MNX1: variants seen among roughly 807,000 people sequenced by gnomAD.
The protein encoded by MNX1 is motor neuron and pancreas homeobox protein 1.
A neutral mutation model predicts 17.3 loss-of-function variants in MNX1; 2 were observed. The ratio of observed to expected loss-of-function variants is 0.12; its 90% CI spans 0.05 to 0.36. MNX1 has a LOEUF of 0.36. Ranked by LOEUF, MNX1 falls within the 10% of genes least tolerant of loss-of-function variation. The pLI, the probability that MNX1 is intolerant of heterozygous loss-of-function variation, is 1.00. For missense variants in MNX1, 556 were observed against 564.7 expected, an observed-to-expected ratio of 0.98 and a Z score of 0.16; for synonymous variants, 306 against 283.1, an observed-to-expected ratio of 1.08 and a Z score of -0.81.
intron 1 of MNX1, 189 bp downstream of exon 1, chr7:157,009,471 A>G: frequency 7.0e-7 from 1 of 1,434,462 alleles, no homozygotes; most frequent in Non-Finnish European, 9.1e-7. Flanking sequence ...GGCCATTTTA[A>G]TAATTCGCTG....
In MNX1 at chr7:157,010,583, T is replaced by G; in HGVS notation, c.-233A>C. 10 of 308,982 alleles carry G rather than the reference T, an allele frequency of 3.2e-5. No individual in the cohort carries two copies. Among genetic ancestry groups the G allele is most frequent in the African/African-American group, 4.3e-5 (2 of 46,402 alleles). The allele number at this position is 308,982 out of a possible 1,614,324, so 19.1% of individuals were successfully genotyped here. A position where few individuals can be genotyped will look rare whatever the true frequency, so the allele number is the denominator to read the frequency against. ...CTCGCACAAACTCCCACGCGAGTGC[T>G]TCCCCGCGTCCGGGCCCGGGAGCCC... On this transcript the variant is annotated 5_prime_UTR_variant, in exon 1 of 3. Coordinates refer to ENST00000252971, the MANE Select transcript of MNX1 (RefSeq NM_005515.4).
At chr7:157,008,297 T>G (rs541499857) in intron 1 of MNX1, 12 of 152,412 alleles carry the variant, frequency 7.9e-5, no homozygotes, top group Admixed American at 3.9e-4. Context: ...GGTGGCTTTC[T>G]ATCAGAAGGG....
In MNX1 at chr7:157,010,127, G is replaced by C; in HGVS notation, c.224C>G (p.Ala75Gly). ...PPAAPADRLR[A>G]ESPSPPRLLA... Reference sequence around the variant, plus strand: ...CAGGCGCGGCGGCGACGGGCTCTCGGCGCGCAGGCGGTCGGCGGGCGCAGC... The same window carrying C: ...CAGGCGCGGCGGCGACGGGCTCTCGCCGCGCAGGCGGTCGGCGGGCGCAGC... The change falls in exon 1 of 3, where the codon GCC (alanine) becomes GGC (glycine). Residue 75 changes from alanine (A) to glycine (G), a missense_variant. Coordinates refer to ENST00000252971, the MANE Select transcript of MNX1 (RefSeq NM_005515.4). 2.0e-6 allele frequency: 2 copies of C among 1,013,554 alleles called. No individual in the cohort carries two copies. Among genetic ancestry groups the C allele is most frequent in the South Asian group, 9.0e-5 (2 of 22,236 alleles). The allele number at this position is 1,013,554 out of a possible 1,614,324, so 62.8% of individuals were successfully genotyped here.
rs751493996 is a variant in MNX1, at chr7:157,005,746, T to A, written c.980A>T (p.Glu327Val). Reference protein sequence around the residue: ...GGGAGKGGAEEPGAEELLGPP... With the variant: ...GGGAGKGGAEVPGAEELLGPP... ...CCCCAGCAGCTCCTCGGCTCCCGGC[T>A]CCTCCGCGCCGCCCTTCCCCGCGCC... Residue 327 changes from glutamate (E) to valine (V), a missense_variant, in exon 3 of 3, where the codon GAG becomes GTG. Glu to Val is a moderately radical substitution (Grantham distance 121). Coordinates refer to ENST00000252971, the MANE Select transcript of MNX1 (RefSeq NM_005515.4). 6.2e-7 allele frequency: 1 copy of A among 1,609,180 alleles called. No individual in the cohort carries two copies. Among genetic ancestry groups the A allele is most frequent in the South Asian group, 1.1e-5 (1 of 91,002 alleles).
chr7:157,005,478 G>T lies in MNX1; in HGVS notation c.*42C>A. 1 of 1,241,202 alleles carries T rather than the reference G, an allele frequency of 8.1e-7. No homozygotes were observed. Among genetic ancestry groups the T allele is most frequent in the Non-Finnish European group, 1.0e-6 (1 of 994,018 alleles). The allele number at this position is 1,241,202 out of a possible 1,614,324, so 76.9% of individuals were successfully genotyped here. ...GGGCCTCCGGGAGAAGCCGCCGGCC[G>T]GGGCGCTCCGTGCGCGCCGCACCTG... On this transcript the variant is annotated 3_prime_UTR_variant, in exon 3 of 3. Coordinates refer to ENST00000252971, the MANE Select transcript of MNX1 (RefSeq NM_005515.4).
intron 1 of MNX1, chr7:157,008,950 G>C (rs781204492): frequency 6.6e-7 from 1 of 1,525,296 alleles, no homozygotes; most frequent in African/African-American, 1.4e-5. Context: ...CTCTGGGGTG[G>C]GGAGAACAGG....
chr7:157,008,857 G>A, intron 1 of MNX1: 1 of 811,434 alleles, frequency 1.2e-6, no homozygotes, highest in Non-Finnish European at 1.9e-6. Context: ...GAGAGTCCGC[G>A]TGTGCCAGGA....
rs921295860 is a variant in MNX1 at position 157,006,190 on chromosome 7, G to A, written c.852+289C>T. On this transcript the variant is annotated intron_variant, in intron 2 of 2. Coordinates refer to ENST00000252971, the MANE Select transcript of MNX1 (RefSeq NM_005515.4). This position sits in a 1 kb window ranked among gnomAD's most constrained non-coding sequence, Gnocchi z 6.3. ...GGGTCAGGGCAGCTGGCTACGTCGC[G>A]GTAAATCTCAGGATGTTCCCTCCTC... 6 of 582,990 alleles carry A rather than the reference G, an allele frequency of 1.0e-5. No homozygotes were observed. The highest frequency in any genetic ancestry group is 1.8e-5 in the Non-Finnish European group (6 of 329,730). 36.1% of individuals were successfully genotyped at this position (582,990 alleles called of 1,614,324 possible). A position where few individuals can be genotyped will look rare whatever the true frequency, so the allele number is the denominator to read the frequency against.
Position 157,005,850 on chromosome 7 carries a change from C to G in MNX1, c.876G>C (p.Arg292=). ...ETQVKIWFQN[R]RMKWKRSKKA... Reference sequence around the variant, plus strand: ...TTTTGCTGCGTTTCCATTTCATCCGCCGGTTCTGGAACCAAATCTTCACCT... The same window carrying G: ...TTTTGCTGCGTTTCCATTTCATCCGGCGGTTCTGGAACCAAATCTTCACCT... Residue 292 remains arginine (R), a synonymous_variant, in exon 3 of 3, where the codon CGG becomes CGC. Transcript: ENST00000252971. 3 of 1,612,210 alleles carry G rather than the reference C, an allele frequency of 1.9e-6. No homozygotes were observed. Among genetic ancestry groups the G allele is most frequent in the Non-Finnish European group, 2.5e-6 (3 of 1,179,856 alleles).
chr7:157,008,037 G>C (rs1805636715), intron 1 of MNX1: 1 of 152,244 alleles, frequency 6.6e-6, no homozygotes, highest in African/African-American at 2.4e-5. Flanking sequence ...TGCCCTTTTG[G>C]ATTGCCAGGT....
chr7:157,009,314 GGCCT>G, intron 1 of MNX1: 1 of 1,414,798 alleles, frequency 7.1e-7, no homozygotes, highest in Non-Finnish European at 9.2e-7. Flanking sequence ...CCCATTCCCG[GGCCT>G]GCCTAATTCA....
Position 157,010,540 on chromosome 7 carries a change from G to T in MNX1, c.-190C>A. ...TGGTCCCGGCGCCTCCTCCGTGCGG[G>T]CCCCGCCCCGGGCCGCGCTCGCACA... On this transcript the variant is annotated 5_prime_UTR_variant, in exon 1 of 3. Coordinates refer to ENST00000252971, the MANE Select transcript of MNX1 (RefSeq NM_005515.4). 2.5e-6 allele frequency: 1 copy of T among 395,988 alleles called. No homozygotes were observed. 24.5% of individuals were successfully genotyped at this position (395,988 alleles called of 1,614,324 possible).
At position 157,005,881 on chromosome 7, in the gene MNX1, C is replaced by A. The variant is rs772639851; in HGVS notation, c.853-8G>T. On this transcript the variant is annotated splice_polypyrimidine_tract_variant and splice_region_variant and intron_variant, in intron 2 of 2. Coordinates refer to ENST00000252971, the MANE Select transcript of MNX1 (RefSeq NM_005515.4). ...CTGGAACCAAATCTTCACCTGCGGG[C>A]ACAAGCGGGCGTGAGAAACCGGCCA... The A allele has an allele frequency of 6.2e-6, 10 of 1,610,634 alleles. No individual in the cohort carries two copies. Among genetic ancestry groups the A allele is most frequent in the Non-Finnish European group, 8.5e-6 (10 of 1,179,780 alleles).
rs1805561142 is a variant in MNX1 at position 157,004,961 on chromosome 7, AT to A, written c.*558del. 6 of 211,762 alleles carry A rather than the reference AT, an allele frequency of 2.8e-5. No homozygotes were observed. The South Asian group carries it at 9.3e-4, about 33-fold the overall frequency. The allele number at this position is 211,762 out of a possible 1,614,324, so 13.1% of individuals were successfully genotyped here. A position where few individuals can be genotyped will look rare whatever the true frequency, so the allele number is the denominator to read the frequency against. Reference sequence around the variant, plus strand: ...GTTTCTTTTTATATATAAATACAATATACAAAAATAAAGACAGTACAGTTTT... The same window carrying A: ...GTTTCTTTTTATATATAAATACAATAACAAAAATAAAGACAGTACAGTTTT... On this transcript the variant is annotated 3_prime_UTR_variant, in exon 3 of 3. Transcript: ENST00000252971. This position sits in a 1 kb window ranked among gnomAD's most constrained non-coding sequence, Gnocchi z 6.2.
rs1805602966 is a variant in MNX1 at position 157,006,543 on chromosome 7, T to C, written c.788A>G (p.Asn263Ser). Residue 263 changes from asparagine to serine, a missense_variant, in exon 2 of 3, where the codon AAC (asparagine) becomes AGC (serine). Physicochemically the swap from Asn to Ser is conservative, Grantham distance 46 (BLOSUM62 1). This residue lies in a region of MNX1 where 210 missense variants were observed against 211.3 expected (regional missense o/e 0.99). Transcript: ENST00000252971. The surrounding 1 kb of genome is among the most constrained non-coding windows in gnomAD (Gnocchi z 6.3). ...LLELEHQFKLNKYLSRPKRFE... is the reference protein window; with the variant it reads ...LLELEHQFKLSKYLSRPKRFE... ...GCGCTTGGGCCGCGACAGGTACTTG[T>C]TGAGCTTGAACTGGTGCTCCAGCTC... 1.2e-6 allele frequency: 2 copies of C among 1,610,562 alleles called. No individual in the cohort carries two copies. Among genetic ancestry groups the C allele is most frequent in the Non-Finnish European group, 1.7e-6 (2 of 1,179,154 alleles).
At chr7:157,008,393 T>C (rs914639056) in intron 1 of MNX1, 8 of 152,350 alleles carry the variant, frequency 5.3e-5, no homozygotes, top group African/African-American at 1.4e-4. Context: ...AGGGGCAGCT[T>C]TCCCTCTTCC....
Position 157,009,830 on chromosome 7 carries a change from G to T in MNX1, c.521C>A (p.Ala174Glu). Residue 174 changes from alanine to glutamate, a missense_variant, in exon 1 of 3, where the codon GCG (alanine) becomes GAG (glutamate). Around this residue, in one of 7 missense-constraint regions of MNX1, gnomAD observed 210 missense variants for 211.3 expected, o/e 0.99. Coordinates refer to ENST00000252971, the MANE Select transcript of MNX1 (RefSeq NM_005515.4). ...YGYSAAAAAA[A>E]LAGQHPALSY... ...GAGCGCCGGGTGCTGGCCCGCCAGC[G>T]CAGCCGCCGCCGCCGCCGCGGAGTA... The T allele has an allele frequency of 1.3e-6, 2 of 1,517,312 alleles. No homozygotes were observed. Among genetic ancestry groups the T allele is most frequent in the Non-Finnish European group, 8.8e-7 (1 of 1,140,436 alleles). The allele number at this position is 1,517,312 out of a possible 1,614,324, so 94.0% of individuals were successfully genotyped here.
intron 1 of MNX1, 139 bp downstream of exon 1, chr7:157,009,520 GC>G: frequency 6.8e-7 from 1 of 1,463,356 alleles, no homozygotes; most frequent in Non-Finnish European, 9.0e-7. Context: ...GTCCTCGCAG[GC>G]CCCGGGCAGA....
rs748809445 is a variant in MNX1 at position 157,009,636 on chromosome 7, C to T, written c.691+24G>A. The T allele has an allele frequency of 8.1e-6, 13 of 1,605,934 alleles. No homozygotes were observed. In the South Asian group the frequency reaches 9.9e-5, roughly 12 times the overall value. On this transcript the variant is annotated intron_variant, in intron 1 of 2. Coordinates refer to ENST00000252971, the MANE Select transcript of MNX1 (RefSeq NM_005515.4). ...CGCGAGGCCCTCCCGCCACGCGCAT[C>T]CACGGGGGCCGCAGGGTACTCACAG...
Sources: allele counts gnomAD v4.1 joint callset, GRCh38; gene constraint gnomAD v4.1.1; regional missense constraint gnomAD v4.1.1; non-coding constraint Gnocchi (gnomAD v3.1); transcripts MANE v1.5; gene names NCBI Gene and HGNC (gene_info 2026-07-23, HGNC 2026-07-21).